EMC1: variants seen among roughly 807,000 people sequenced by gnomAD.
The protein encoded by EMC1 is KIAA0090.
In EMC1, 103 loss-of-function variants were observed where a neutral mutation model predicts 128.8. That is an observed-to-expected ratio of 0.80 (90% CI 0.68 to 0.94). EMC1 has a LOEUF of 0.94. Ranked by LOEUF, EMC1 falls within the 40% of genes least tolerant of loss-of-function variation. The probability of loss-of-function intolerance (pLI) is 0.00; values close to 1 mark genes in which losing one functional copy is unlikely to be tolerated. For synonymous variants in EMC1, 442 were observed against 490.4 expected (o/e 0.90, Z 1.30); for missense variants, 1,083 against 1,250.6 (o/e 0.87, Z 2.02).
chr1:19,241,104 G>C lies in EMC1; in HGVS notation c.548C>G (p.Ser183Cys). 6.2e-7 allele frequency: 1 copy of C among 1,614,192 alleles called. No individual in the cohort carries two copies. Among genetic ancestry groups the C allele is most frequent in the South Asian group, 1.1e-5 (1 of 91,086 alleles). Residue 183 changes from serine (S) to cysteine (C), a missense_variant, in exon 6 of 23, where the codon TCT (serine) becomes TGT (cysteine). Around this residue, in one of 3 missense-constraint regions of EMC1, gnomAD observed 544 missense variants for 572.4 expected, o/e 0.95. Transcript: ENST00000477853. ...AACTCCGAGGGCCCACACCACCCCA[G>C]AGCCGTAAGAATACACCATCTGGTA... ...IHYQMVYSYG[S>C]GVVWALGVVP... is the part of the protein sequence containing the mutation.
intron 18 of EMC1, among the ~76,000 whole-genome samples, chr1:19,225,540 G>A (rs745832256): frequency 3.3e-5 from 5 of 152,044 alleles, no homozygotes; most frequent in African/African-American, 4.8e-5. Context: ...CCAGCTACTC[G>A]GGAGGCTGAG....
chr1:19,233,859 G>C (rs1434235833), intron 13 of EMC1, among the ~76,000 whole-genome samples: 1 of 152,186 alleles, frequency 6.6e-6, no homozygotes, highest in Non-Finnish European at 1.5e-5. Flanking sequence ...TTCCTCATCT[G>C]TAAAGTGGCA....
chr1:19,226,726 T>G (rs1252015852), intron 18 of EMC1, among the ~76,000 whole-genome samples: 1 of 150,536 alleles, frequency 6.6e-6, no homozygotes, highest in African/African-American at 2.4e-5. Flanking sequence ...CAGCTAATTG[T>G]TTTTTTTGTT....
chr1:19,244,700 T>C (rs1035345962), intron 2 of EMC1: 1 of 495,572 alleles, frequency 2.0e-6, no homozygotes, highest in Non-Finnish European at 3.6e-6. Flanking sequence ...GGATTCAAGC[T>C]GAGAGAACAA....
chr1:19,239,251 T>G lies in EMC1; in HGVS notation c.1006A>C (p.Met336Leu), dbSNP rs1258339799. 1.2e-6 allele frequency: 2 copies of G among 1,614,168 alleles called. No individual in the cohort carries two copies. The highest frequency in any genetic ancestry group is 3.3e-5 in the Admixed American group (2 of 60,020). ...TTGEKTVAAVMACRNEVQKSS... is the reference protein window; with the variant it reads ...TTGEKTVAAVLACRNEVQKSS... ...CTCACCACTTCATTCCGACAGGCCA[T>G]GACTGCAGCCACCGTCTTCTCCCCA... The change falls in exon 9 of 23, where the codon ATG (methionine) becomes CTG (leucine). Residue 336 changes from methionine to leucine, a missense_variant. Coordinates refer to ENST00000477853, the MANE Select transcript of EMC1 (RefSeq NM_015047.3).
At chr1:19,238,993 A>G in intron 9 of EMC1, 136 bp from the exon 10 acceptor site, 2 of 761,024 alleles carry the variant, frequency 2.6e-6, no homozygotes, top group South Asian at 3.3e-5. Flanking sequence ...CACAAAGCCT[A>G]TTCAACCCTT....
chr1:19,220,481 C>G (rs2093422966), intron 21 of EMC1: 1 of 248,410 alleles, frequency 4.0e-6, no homozygotes, highest in Non-Finnish European at 7.7e-6. Flanking sequence ...TACACCCACG[C>G]ACATCCCCAT....
chr1:19,229,111 A>T (rs2093500873), intron 17 of EMC1, among the ~76,000 whole-genome samples: 1 of 152,196 alleles, frequency 6.6e-6, no homozygotes, highest in Non-Finnish European at 1.5e-5. Flanking sequence ...GGAATCATAA[A>T]TACACAAGGA....
chr1:19,235,343 G>GA lies in EMC1; in HGVS notation c.1310-92dup, dbSNP rs2093554614. On this transcript the variant is annotated intron_variant, in intron 12 of 22. Transcript: ENST00000477853. ...AGCACTTTGGGAGGCCAAGGTGGGTGAATCTCTTGAGCCCAGGAATTTGAG... is the reference window on the plus strand; with the variant it reads ...AGCACTTTGGGAGGCCAAGGTGGGTGAAATCTCTTGAGCCCAGGAATTTGAG... 10 of 1,356,800 alleles carry GA rather than the reference G, an allele frequency of 7.4e-6. No homozygotes were observed. The South Asian group carries it at 1.3e-4, about 17-fold the overall frequency. The allele number at this position is 1,356,800 out of a possible 1,614,324, so 84.0% of individuals were successfully genotyped here. A position where few individuals can be genotyped will look rare whatever the true frequency, so the allele number is the denominator to read the frequency against.
chr1:19,238,651 C>T (rs1572016427), intron 10 of EMC1, 144 bp downstream of exon 10: 3 of 634,400 alleles, frequency 4.7e-6, no homozygotes, highest in Non-Finnish European at 5.6e-6. Flanking sequence ...TTAAGAGAAA[C>T]ATCATTTAAT....
Position 19,220,564 on chromosome 1 carries a change from G to A in EMC1, c.2672+200C>T, listed in dbSNP as rs560564305. Reference sequence around the variant, plus strand: ...ACCTAACATAGTATATATTTTACTTGTTTATCTTATGTATTTATTGTCCAT... The same window carrying A: ...ACCTAACATAGTATATATTTTACTTATTTATCTTATGTATTTATTGTCCAT... On this transcript the variant is annotated intron_variant, in intron 21 of 22. Coordinates refer to ENST00000477853, the MANE Select transcript of EMC1 (RefSeq NM_015047.3). The A allele has an allele frequency of 1.8e-4, 80 of 445,666 alleles. No individual in the cohort carries two copies. In the East Asian group the frequency reaches 2.7e-3, roughly 15 times the overall value. 27.6% of individuals were successfully genotyped at this position (445,666 alleles called of 1,614,324 possible). A position where few individuals can be genotyped will look rare whatever the true frequency, so the allele number is the denominator to read the frequency against.
chr1:19,237,160 G>A lies in EMC1; in HGVS notation c.1291C>T (p.Leu431Phe), dbSNP rs765336021. 5.0e-6 allele frequency: 8 copies of A among 1,613,756 alleles called. No individual in the cohort carries two copies. In the African/African-American group the frequency reaches 9.3e-5, roughly 19 times the overall value. Residue 431 changes from leucine (L) to phenylalanine (F), a missense_variant, in exon 12 of 23, where the codon CTT (leucine) becomes TTT (phenylalanine). Physicochemically the swap from Leu to Phe is conservative, Grantham distance 22 (BLOSUM62 0). Transcript: ENST00000477853. The part of the protein sequence containing the change: ...ALVQTEDHLL[L>F]FLQQLAGKVV... ...TACTTACCCAACTGCTGCAGGAAAA[G>A]TAGCAGATGATCCTCTGTCTGCACC...
At chr1:19,230,273 T>C (rs906893677) in intron 17 of EMC1, among the ~76,000 whole-genome samples, 2 of 152,094 alleles carry the variant, frequency 1.3e-5, no homozygotes, top group Non-Finnish European at 2.9e-5. Context: ...ATCTCTCTGC[T>C]ATAGAAAAAT....
intron 12 of EMC1, 26 bp downstream of exon 12, chr1:19,237,116 A>G (rs1237780758): frequency 6.4e-7 from 1 of 1,551,374 alleles, no homozygotes; most frequent in African/African-American, 1.4e-5. Context: ...GGAAATAAAA[A>G]AATGGGTTGA....
chr1:19,223,512 G>A lies in EMC1; in HGVS notation c.2260C>T (p.Arg754Cys), dbSNP rs548851892. 10 of 1,614,140 alleles carry A rather than the reference G, an allele frequency of 6.2e-6. No individual in the cohort carries two copies. Among genetic ancestry groups the A allele is most frequent in the Admixed American group, 1.7e-5 (1 of 60,030 alleles). ...ATGAGGAAGATGCCAATAAAGGTGC[G>A]CTCATGGTGCGCGTCTGTGCTCTCT... is the stretch of plus-strand genomic sequence containing the variant. ...VTESTDAHHE[R>C]TFIGIFLIDG... Residue 754 changes from arginine (R) to cysteine (C), a missense_variant, in exon 19 of 23, where the codon CGC (arginine) becomes TGC (cysteine). By Grantham distance (180) the Arg-to-Cys change is radical. This residue lies in a region of EMC1 where 527 missense variants were observed against 644.1 expected (regional missense o/e 0.82). Transcript: ENST00000477853.
At chr1:19,227,194 A>G in intron 18 of EMC1, 119 bp downstream of exon 18, 1 of 1,119,592 alleles carries the variant, frequency 8.9e-7, no homozygotes, top group South Asian at 1.5e-5. Context: ...TTAAGGCTCA[A>G]AGGGATTAAA....
rs763793904 is a variant in EMC1, at chr1:19,230,909, G to C, written c.1999C>G (p.Pro667Ala). Residue 667 changes from proline (P) to alanine (A), a missense_variant, in exon 17 of 23, where the codon CCT (proline) becomes GCT (alanine). Around this residue, in one of 3 missense-constraint regions of EMC1, gnomAD observed 527 missense variants for 644.1 expected, o/e 0.82. Transcript: ENST00000477853. ...TCCACCAAATAGAAGAAGATGGAAG[G>C]GGCAAGCTCATGTAGCTGTCGCAAG... ...NVLRQLHELA[P>A]SIFFYLVDAE... 1 of 1,614,208 alleles carries C rather than the reference G, an allele frequency of 6.2e-7. No individual in the cohort carries two copies. The highest frequency in any genetic ancestry group is 2.2e-5 in the East Asian group (1 of 44,888).
rs1363656925 is a variant in EMC1, at chr1:19,219,459, A to T, written c.2826T>A (p.Ile942=). Residue 942 remains isoleucine (I), a synonymous_variant, in exon 23 of 23, where the codon ATT becomes ATA. Transcript: ENST00000477853. ...TCLVVAYGLD[I]YQTRVYPSKQ... is the part of the protein sequence containing the mutation. Reference sequence around the variant, plus strand: ...TGGATGGGTAGACTCGAGTTTGGTAAATGTCCAAACCATAGGCCACAACCT... The same window carrying T: ...TGGATGGGTAGACTCGAGTTTGGTATATGTCCAAACCATAGGCCACAACCT... The T allele has an allele frequency of 2.7e-5, 43 of 1,613,978 alleles. No individual in the cohort carries two copies. The highest frequency in any genetic ancestry group is 3.6e-5 in the Non-Finnish European group (43 of 1,179,998).
chr1:19,237,596 G>C (rs2093575333), intron 11 of EMC1, among the ~76,000 whole-genome samples: 1 of 152,106 alleles, frequency 6.6e-6, no homozygotes, highest in Non-Finnish European at 1.5e-5. Flanking sequence ...ACAACCAGAT[G>C]CACACAGAGG....
Sources: allele counts gnomAD v4.1 joint callset (sites outside exome capture counted in the v4.1 genomes callset), GRCh38; gene constraint gnomAD v4.1.1; regional missense constraint gnomAD v4.1.1; transcripts MANE v1.5; gene names NCBI Gene and HGNC (gene_info 2026-07-23, HGNC 2026-07-21).